Variants in TEX9 observed in about 807,000 individuals in gnomAD.
TEX9 encodes the protein testis expressed 9, also known as testis-expressed protein 9.
Under a neutral mutation model 59.6 loss-of-function variants are expected in TEX9, and 74 were observed. The ratio of observed to expected loss-of-function variants is 1.24; its 90% CI spans 1.03 to 1.51. The LOEUF (loss-of-function observed/expected upper bound fraction) is 1.51. TEX9 is among the 40% of genes most tolerant of loss of function. The pLI is 0.00. For missense variants in TEX9, 522 were observed against 447.8 expected, an observed-to-expected ratio of 1.17 and a Z score of -1.49; for synonymous variants, 186 against 152.2, an observed-to-expected ratio of 1.22 and a Z score of -1.64.
Position 56,376,991 on chromosome 15 carries a change from A to G in TEX9, c.183+3487A>G, listed in dbSNP as rs184862655. Among the ~76,000 whole-genome samples, 155 of 152,292 alleles carry G rather than the reference A, an allele frequency of 1.0e-3. 3 individuals carry two copies. Among genetic ancestry groups the G allele is most frequent in the Non-Finnish European group, 2.8e-4 (19 of 68,010 alleles). On this transcript the variant is annotated intron_variant, in intron 3 of 12. Transcript: ENST00000352903. ...CATGTGGATATTCCGTTTTCCCAGC[A>G]CCATTTATTGAAGAGACTGTCTTTT...
At chr15:56,315,874 T>G (rs1349609756) in intron 1 of TEX9, among the ~76,000 whole-genome samples, 47 of 150,850 alleles carry the variant, frequency 3.1e-4, no homozygotes, top group Non-Finnish European at 4.6e-4. Flanking sequence ...TTCTCTAAAC[T>G]TCCCTTCTAG....
chr15:56,424,016 G>A (rs1364576697), intron 10 of TEX9, among the ~76,000 whole-genome samples: 1 of 152,088 alleles, frequency 6.6e-6, no homozygotes, highest in East Asian at 1.9e-4. Flanking sequence ...GGTCTATAAT[G>A]TTGTTCAAGT....
chr15:56,366,037 T>C (rs1488514905), intron 2 of TEX9: 1 of 448,850 alleles, frequency 2.2e-6, no homozygotes, highest in East Asian at 1.3e-4. Context: ...TCATAGAGTT[T>C]ACCTTGTGTA....
intron 1 of TEX9, among the ~76,000 whole-genome samples, chr15:56,256,532 A>G (rs186550728): frequency 1.3e-5 from 2 of 152,210 alleles, no homozygotes; most frequent in Admixed American, 1.3e-4. Flanking sequence ...GGGTATTACT[A>G]AAGGAAAAAA....
At chr15:56,399,378 G>A (rs113947791) in intron 9 of TEX9, among the ~76,000 whole-genome samples, 2 of 152,354 alleles carry the variant, frequency 1.3e-5, no homozygotes, top group East Asian at 1.9e-4. Context: ...GTCTGAGATC[G>A]AACTGCGAGG....
intron 10 of TEX9, among the ~76,000 whole-genome samples, chr15:56,425,678 A>G (rs1217364551): frequency 1.3e-5 from 2 of 152,156 alleles, no homozygotes; most frequent in African/African-American, 4.8e-5. Context: ...GTTATTTTAA[A>G]GTCCTTGTCA....
At chr15:56,280,167 A>G (rs2044780510) in intron 1 of TEX9, among the ~76,000 whole-genome samples, 3 of 152,208 alleles carry the variant, frequency 2.0e-5, no homozygotes, top group African/African-American at 4.8e-5. Flanking sequence ...AACTTATGGC[A>G]TTTTTAACTT....
At chr15:56,403,450 A>G (rs2048904921) in intron 9 of TEX9, among the ~76,000 whole-genome samples, 2 of 152,188 alleles carry the variant, frequency 1.3e-5, no homozygotes, top group African/African-American at 4.8e-5. Flanking sequence ...CTTCAAGGAG[A>G]ACTGCAAACC....
chr15:56,265,919 G>A (rs1031107661), intron 1 of TEX9, among the ~76,000 whole-genome samples: 4 of 152,062 alleles, frequency 2.6e-5, no homozygotes, highest in African/African-American at 9.7e-5. Flanking sequence ...ATTGATTACA[G>A]TGAGAAAAGT....
chr15:56,427,678 G>C, exon 11 of TEX9: 4 of 1,535,028 alleles, frequency 2.6e-6, no homozygotes, highest in Non-Finnish European at 3.5e-6. Flanking sequence ...AAACAAAAAG[G>C]AGAATTAATG....
chr15:56,325,474 T>C (rs2046001682), intron 1 of TEX9, among the ~76,000 whole-genome samples: 1 of 152,170 alleles, frequency 6.6e-6, no homozygotes, highest in Non-Finnish European at 1.5e-5. Flanking sequence ...TTCATCCCTG[T>C]TGCTCCATAC....
intron 9 of TEX9, among the ~76,000 whole-genome samples, chr15:56,409,605 A>G (rs1251928315): frequency 1.3e-5 from 2 of 152,110 alleles, no homozygotes; most frequent in African/African-American, 2.4e-5. Context: ...AGCTCAAGCA[A>G]TCCTTCTGCC....
At chr15:56,321,659 C>A (rs2045907277) in intron 1 of TEX9, among the ~76,000 whole-genome samples, 2 of 152,136 alleles carry the variant, frequency 1.3e-5, no homozygotes, top group African/African-American at 2.4e-5. Context: ...TTCTAACCAG[C>A]CTAGCTGAGG....
chr15:56,319,229 G>T (rs1280177202), intron 1 of TEX9, among the ~76,000 whole-genome samples: 1 of 151,792 alleles, frequency 6.6e-6, no homozygotes, highest in East Asian at 1.9e-4. Flanking sequence ...ATTTCAAAAC[G>T]TCTTGACCAT....
chr15:56,429,363 A>C, intron 12 of TEX9: 1 of 545,554 alleles, frequency 1.8e-6, no homozygotes, highest in Non-Finnish European at 3.2e-6. Context: ...ATAAGACTTT[A>C]CATATATATT....
At position 56,256,518 on chromosome 15, in the gene TEX9, G is replaced by T. The variant is rs981115489; in HGVS notation, c.-107+12240G>T. Among the ~76,000 whole-genome samples the T allele has an allele frequency of 5.0e-4, 76 of 151,934 alleles. 1 individual carries two copies. The highest frequency in any genetic ancestry group is 1.8e-4 in the Non-Finnish European group (12 of 67,934). ...AGTGAAAAAAATACATAAAGTAGAA[G>T]CAAGGGTATTACTAAAGGAAAAAAA... On this transcript the variant is annotated intron_variant, in intron 1 of 5. Coordinates refer to the TEX9 transcript ENST00000560827.
At chr15:56,403,733 A>T (rs1394624378) in intron 9 of TEX9, among the ~76,000 whole-genome samples, 1 of 152,224 alleles carries the variant, frequency 6.6e-6, no homozygotes, top group Non-Finnish European at 1.5e-5. Flanking sequence ...TTCAAACTAT[A>T]CTACAAGGCT....
At chr15:56,323,749 AG>A (rs1318529543) in intron 1 of TEX9, 11 of 145,416 alleles carry the variant, frequency 7.6e-5, no homozygotes, top group Admixed American at 1.4e-4. Context: ...AAGGAGGAGA[AG>A]GAGGAGAAGG....
intron 1 of TEX9, among the ~76,000 whole-genome samples, chr15:56,284,708 T>C (rs1216977269): frequency 6.6e-6 from 1 of 152,170 alleles, no homozygotes; most frequent in Non-Finnish European, 1.5e-5. Context: ...GCATCCTAAA[T>C]TGCTGTAGCT....
Sources: gnomAD v4.1 joint callset for allele counts (sites outside exome capture counted in the v4.1 genomes callset) on GRCh38, gnomAD v4.1.1 for gene constraint, MANE v1.5 for transcripts, NCBI Gene and HGNC (gene_info 2026-07-23, HGNC 2026-07-21) for gene names.